HMCN1: variants seen among roughly 807,000 people sequenced by gnomAD.
HMCN1 encodes the protein hemicentin 1.
Under a neutral mutation model 625.9 loss-of-function variants are expected in HMCN1, and 321 were observed. The ratio of observed to expected loss-of-function variants is 0.51; its 90% CI spans 0.47 to 0.56. The LOEUF (loss-of-function observed/expected upper bound fraction) is 0.56. Among genes scored for constraint, HMCN1 ranks in the 20% least tolerant of loss-of-function variants. The pLI is 0.00. For synonymous variants in HMCN1, 2,425 were observed against 2,417.6 expected, an observed-to-expected ratio of 1.00 and a Z score of -0.09; for missense variants, 6,588 against 6,887.3, an observed-to-expected ratio of 0.96 and a Z score of 1.54.
chr1:185,965,773 T>C (rs767559211), intron 13 of HMCN1, 29 bp from the exon 14 acceptor site: 2 of 1,207,586 alleles, frequency 1.7e-6, no homozygotes, highest in Admixed American at 3.4e-5. Flanking sequence ...GTGCTAAATG[T>C]TGACTATTTG....
rs1653704829 is a variant in HMCN1 at position 186,007,281 on chromosome 1, T to C, written c.4629T>C (p.Tyr1543=). ...KQAKDIKLTI[Y]IPPSIKGGNV... is the part of the protein sequence containing the mutation. ...CCAAGGATATAAAACTGACTATCTA[T>C]AGTAAGTGCGATTGTCTTATGCTTT... The change falls in exon 30 of 107, where the codon TAT becomes TAC. Residue 1543 remains tyrosine (Y), a splice_region_variant and synonymous_variant. Transcript: ENST00000271588. 3.7e-6 allele frequency: 6 copies of C among 1,613,370 alleles called. No homozygotes were observed. The highest frequency in any genetic ancestry group is 2.2e-5 in the East Asian group (1 of 44,820).
At chr1:185,888,448 T>C (rs6672344) in intron 4 of HMCN1, among the ~76,000 whole-genome samples, 63,683 of 129,890 alleles carry the variant, frequency 0.49, 16,663 homozygotes, top group African/African-American at 0.77. Flanking sequence ...TTAGGTCTAA[T>C]GTTTAAGTCT....
rs1439145759 is a variant in HMCN1 at position 186,081,335 on chromosome 1, G to A, written c.8728G>A (p.Gly2910Arg). The A allele has an allele frequency of 6.2e-7, 1 of 1,613,670 alleles. No homozygotes were observed. The highest frequency in any genetic ancestry group is 1.1e-5 in the South Asian group (1 of 91,062). Reference sequence around the variant, plus strand: ...ACCAAGGAATTCCTGGCAGAAAGATGGACAGCCCTTGCTAGAAGATGACCA... The same window carrying A: ...ACCAAGGAATTCCTGGCAGAAAGATAGACAGCCCTTGCTAGAAGATGACCA... ...PAPRNSWQKDGQPLLEDDHHK... is the reference protein window; with the variant it reads ...PAPRNSWQKDRQPLLEDDHHK... The change falls in exon 56 of 107, where the codon GGA becomes AGA. Residue 2910 changes from glycine (G) to arginine (R), a missense_variant. Gly to Arg is a moderately radical substitution (Grantham distance 125). Around this residue, in one of 3 missense-constraint regions of HMCN1, gnomAD observed 4,628 missense variants for 4,853.1 expected, o/e 0.95. Coordinates refer to ENST00000271588, the MANE Select transcript of HMCN1 (RefSeq NM_031935.3).
chr1:186,152,374 C>T (rs917814339), intron 95 of HMCN1, among the ~76,000 whole-genome samples: 4 of 152,294 alleles, frequency 2.6e-5, no homozygotes, highest in East Asian at 3.9e-4. Context: ...TGGGCATCCA[C>T]TTACTCAGAT....
At position 186,160,826 on chromosome 1, in the gene HMCN1, G is replaced by C. The variant is rs540092951; in HGVS notation, c.15257-4285G>C. ...TCTGTTCTTTTACATTTGTTGAGGA[G>C]AGCTTTACTTCCAAGTATGTGGTCA... is the stretch of plus-strand genomic sequence containing the variant. On this transcript the variant is annotated intron_variant, in intron 97 of 106. Transcript: ENST00000271588. Among the ~76,000 whole-genome samples the C allele has an allele frequency of 4.2e-3, 638 of 150,720 alleles. 7 individuals are homozygous for C. Among genetic ancestry groups the C allele is most frequent in the African/African-American group, 0.014 (547 of 40,426 alleles).
intron 100 of HMCN1, among the ~76,000 whole-genome samples, chr1:186,168,259 GAAAA>G (rs935600777): frequency 2.0e-5 from 3 of 148,784 alleles, no homozygotes; most frequent in Non-Finnish European, 4.5e-5. Context: ...GGAAGAGGAA[GAAAA>G]AAAAACTGCA....
Position 185,823,513 on chromosome 1 carries a change from A to G in HMCN1, c.269-22513A>G, listed in dbSNP as rs188097725. On this transcript the variant is annotated intron_variant, in intron 1 of 106. Coordinates refer to ENST00000271588, the MANE Select transcript of HMCN1 (RefSeq NM_031935.3). ...TGATTTGGATGTCTCAATTGACTGC[A>G]AGTTTGATGTTGCCTCAGTTTACTA... 2.8e-3 allele frequency among the ~76,000 whole-genome samples: 422 copies of G among 152,230 alleles called. 1 individual carries two copies. The highest frequency in any genetic ancestry group is 4.8e-3 in the Non-Finnish European group (323 of 67,998).
rs191872995 is a variant in HMCN1 at position 185,737,251 on chromosome 1, C to G, written c.268+2204C>G. Among the ~76,000 whole-genome samples, 521 of 151,984 alleles carry G rather than the reference C, an allele frequency of 3.4e-3. 3 individuals are homozygous for G. The highest frequency in any genetic ancestry group is 6.8e-3 in the Middle Eastern group (2 of 294). On this transcript the variant is annotated intron_variant, in intron 1 of 106. Coordinates refer to ENST00000271588, the MANE Select transcript of HMCN1 (RefSeq NM_031935.3). ...CTCACTGCAGACTCAACCTCCTAGG[C>G]TCAAGCAGTCCTCTCACTTCAGCCT...
chr1:186,154,118 T>G, intron 97 of HMCN1, 131 bp downstream of exon 97: 1 of 770,424 alleles, frequency 1.3e-6, no homozygotes, highest in Non-Finnish European at 2.2e-6. Flanking sequence ...CTATGCCTTT[T>G]TGTTAAGTAA....
chr1:186,182,051 T>C, intron 104 of HMCN1, 117 bp from the exon 105 acceptor site: 1 of 1,125,576 alleles, frequency 8.9e-7, no homozygotes, highest in Non-Finnish European at 1.3e-6. Flanking sequence ...AACACATGAG[T>C]ATAAAATCAC....
intron 1 of HMCN1, among the ~76,000 whole-genome samples, chr1:185,782,053 A>G (rs1238231628): frequency 2.0e-5 from 3 of 152,186 alleles, no homozygotes; most frequent in Admixed American, 1.3e-4. Flanking sequence ...ATATATATTT[A>G]GGATAGTTAG....
At chr1:185,777,635 A>G (rs1656712075) in intron 1 of HMCN1, among the ~76,000 whole-genome samples, 2 of 152,106 alleles carry the variant, frequency 1.3e-5, no homozygotes, top group African/African-American at 4.8e-5. Flanking sequence ...TATTTTTAGT[A>G]GAGACGGTGT....
intron 97 of HMCN1, among the ~76,000 whole-genome samples, chr1:186,156,470 G>GTTA: frequency 6.6e-6 from 1 of 152,324 alleles, no homozygotes; most frequent in East Asian, 1.9e-4. Flanking sequence ...AAATTAATGA[G>GTTA]TTATTTTCTG....
intron 11 of HMCN1, among the ~76,000 whole-genome samples, chr1:185,956,621 CT>C (rs1030471472): frequency 3.3e-5 from 5 of 151,228 alleles, no homozygotes; most frequent in Non-Finnish European, 5.9e-5. Context: ...TGAACCCTGG[CT>C]TTTTTTTTGG....
Position 186,007,239 on chromosome 1 carries a change from T to C in HMCN1, c.4587T>C (p.Asn1529=), listed in dbSNP as rs1403665387. 4 of 1,613,698 alleles carry C rather than the reference T, an allele frequency of 2.5e-6. No individual in the cohort carries two copies. Among genetic ancestry groups the C allele is most frequent in the Non-Finnish European group, 3.4e-6 (4 of 1,179,772 alleles). The change falls in exon 30 of 107, where the codon AAT becomes AAC. Residue 1529 remains asparagine, a synonymous_variant. Transcript: ENST00000271588. The part of the protein sequence containing the change: ...DKGRYQCTVS[N]AAGKQAKDIK... ...GGCGCTACCAATGTACTGTGTCTAA[T>C]GCAGCTGGCAAACAAGCCAAGGATA...
At chr1:185,907,725 AAG>A (rs1457215731) in intron 4 of HMCN1, among the ~76,000 whole-genome samples, 7 of 151,934 alleles carry the variant, frequency 4.6e-5, no homozygotes, top group Admixed American at 1.3e-4. Context: ...CAACTAGGGG[AAG>A]AGAAGGGAAT....
intron 4 of HMCN1, among the ~76,000 whole-genome samples, chr1:185,893,594 C>T (rs919369347): frequency 1.3e-5 from 2 of 152,064 alleles, no homozygotes; most frequent in Non-Finnish European, 2.9e-5. Context: ...AATTTTGCTA[C>T]CACGGAAACG....
intron 6 of HMCN1, among the ~76,000 whole-genome samples, chr1:185,912,123 T>C (rs1300779966): frequency 6.6e-6 from 1 of 152,174 alleles, no homozygotes; most frequent in Admixed American, 6.6e-5. Flanking sequence ...TAGGCTCTGT[T>C]TTGAAACTGC....
At chr1:186,109,543 C>T (rs1382316961) in intron 71 of HMCN1, among the ~76,000 whole-genome samples, 1 of 152,114 alleles carries the variant, frequency 6.6e-6, no homozygotes, top group African/African-American at 2.4e-5. Flanking sequence ...ATGAACGCCA[C>T]TAGTAAATTG....
Sources: gnomAD v4.1 joint callset for allele counts (sites outside exome capture counted in the v4.1 genomes callset) on GRCh38, gnomAD v4.1.1 for gene constraint, gnomAD v4.1.1 regional missense constraint, MANE v1.5 for transcripts, NCBI Gene and HGNC (gene_info 2026-07-23, HGNC 2026-07-21) for gene names.